Variants in ZBTB40 observed in about 807,000 individuals in gnomAD.
ZBTB40 encodes the protein zinc finger and BTB domain-containing protein 40.
Under a neutral mutation model 117.5 loss-of-function variants are expected in ZBTB40, and 60 were observed. The ratio of observed to expected loss-of-function variants is 0.51; its 90% confidence interval spans 0.41 to 0.63. The LOEUF (loss-of-function observed/expected upper bound fraction) is 0.63. Among genes scored for constraint, ZBTB40 ranks in the 30% least tolerant of loss-of-function variants. The pLI is 0.00. For synonymous variants in ZBTB40, 525 were observed against 577.1 expected (o/e 0.91, Z 1.29); for missense variants, 1,287 against 1,498.5 (o/e 0.86, Z 2.33).
chr1:22,457,719 G>A (rs2124384368), intron 1 of ZBTB40, among the ~76,000 whole-genome samples: 1 of 152,370 alleles, frequency 6.6e-6, no homozygotes, highest in East Asian at 1.9e-4. Flanking sequence ...GTTAGCTATA[G>A]TGGGGTTATT....
At chr1:22,478,466 C>G (rs1641604935) in intron 1 of ZBTB40, among the ~76,000 whole-genome samples, 2 of 152,136 alleles carry the variant, frequency 1.3e-5, no homozygotes, top group South Asian at 2.1e-4. Flanking sequence ...CCAGGATGGT[C>G]TTGATCTCCT....
upstream of ZBTB40, among the ~76,000 whole-genome samples, chr1:22,447,094 C>A (rs1483610180): frequency 2.0e-5 from 3 of 149,596 alleles, no homozygotes; most frequent in African/African-American, 7.4e-5. Context: ...CAGAGCAAGA[C>A]CTTATCTCAA....
chr1:22,443,052 A>C (rs1640751223), intron 1 of ZBTB40, among the ~76,000 whole-genome samples: 1 of 152,214 alleles, frequency 6.6e-6, no homozygotes, highest in Non-Finnish European at 1.5e-5. Flanking sequence ...AAATCTCCTG[A>C]TGCTTCCAAC....
At chr1:22,433,439 A>AAAAACAAAAACAAAAAAAAC (rs1557469766) in intron 1 of ZBTB40, among the ~76,000 whole-genome samples, 2 of 83,766 alleles carry the variant, frequency 2.4e-5, no homozygotes, top group African/African-American at 1.3e-4. Context: ...TCTCAAAAAA[A>AAAAACAAAAACAAAAAAAAC]AAAAAAAAAA....
intron 1 of ZBTB40, among the ~76,000 whole-genome samples, chr1:22,466,575 TA>T (rs1295386833): frequency 6.6e-5 from 10 of 152,182 alleles, no homozygotes; most frequent in African/African-American, 2.4e-4. Context: ...TTTATTTTAT[TA>T]TACCCATCCT....
chr1:22,501,688 G>A lies in ZBTB40; in HGVS notation c.1024+4G>A. 6.2e-7 allele frequency: 1 copy of A among 1,613,248 alleles called. No homozygotes were observed. Among genetic ancestry groups the A allele is most frequent in the Non-Finnish European group, 8.5e-7 (1 of 1,179,844 alleles). On this transcript the variant is annotated splice_donor_region_variant and intron_variant, in intron 4 of 17. Transcript: ENST00000375647. The stretch of plus-strand genomic sequence containing the variant: ...GTAGACACAGTGCAGCCAAAAGGTA[G>A]GAGAAGATCCTATGCATTGGAATGG...
intron 1 of ZBTB40, among the ~76,000 whole-genome samples, chr1:22,431,550 C>G (rs1395686748): frequency 6.6e-6 from 1 of 151,650 alleles, no homozygotes; most frequent in Non-Finnish European, 1.5e-5. Context: ...ACCAGCCTCA[C>G]CAATATGGTG....
chr1:22,521,702 G>A (rs1324872965), intron 15 of ZBTB40, 44 bp downstream of exon 15: 7 of 1,613,358 alleles, frequency 4.3e-6, no homozygotes, highest in Non-Finnish European at 5.9e-6. Context: ...GGGGCTTGAT[G>A]GTGTAGCCTC....
chr1:22,446,104 G>A (rs1386085809), intron 1 of ZBTB40, among the ~76,000 whole-genome samples: 1 of 151,762 alleles, frequency 6.6e-6, no homozygotes, highest in African/African-American at 2.4e-5. Flanking sequence ...AAATGCTAGA[G>A]ATAAAAACAC....
Position 22,527,084 on chromosome 1 carries a change from GT to G in ZBTB40, c.*689del. The G allele has an allele frequency of 6.4e-6, 1 of 155,132 alleles. No individual in the cohort carries two copies. The highest frequency in any genetic ancestry group is 1.9e-4 in the East Asian group (1 of 5,362). The allele number at this position is 155,132 out of a possible 1,614,324, so 9.6% of individuals were successfully genotyped here. A position where few individuals can be genotyped will look rare whatever the true frequency, so the allele number is the denominator to read the frequency against. On this transcript the variant is annotated 3_prime_UTR_variant, in exon 18 of 18. Coordinates refer to ENST00000375647, the MANE Select transcript of ZBTB40 (RefSeq NM_014870.4). ...CAAAGCTCTGGAGTTTCTGCTGGAA[GT>G]GTTTAATGTGAGGCATCAGCTGCTA...
upstream of ZBTB40, among the ~76,000 whole-genome samples, chr1:22,450,256 A>G (rs1640844066): frequency 6.6e-6 from 1 of 152,192 alleles, no homozygotes; most frequent in African/African-American, 2.4e-5. Context: ...CATTAACTCG[A>G]TAAATATTTC....
chr1:22,512,237 G>T, intron 11 of ZBTB40, 103 bp downstream of exon 11: 1 of 1,324,648 alleles, frequency 7.5e-7, no homozygotes, highest in Non-Finnish European at 1.1e-6. Flanking sequence ...CTGTGGGTGG[G>T]CTTAGAAAAT....
At position 22,505,495 on chromosome 1, in the gene ZBTB40, A is replaced by G. The variant is rs115015720; in HGVS notation, c.1168-554A>G. 8.9e-3 allele frequency among the ~76,000 whole-genome samples: 1,359 copies of G among 152,324 alleles called. 10 individuals carry two copies. The highest frequency in any genetic ancestry group is 0.031 in the African/African-American group (1,287 of 41,572). On this transcript the variant is annotated intron_variant, in intron 5 of 17. Coordinates refer to ENST00000375647, the MANE Select transcript of ZBTB40 (RefSeq NM_014870.4). ...AATGGATAATAAGGAATCCACAAGA[A>G]AAATAATCCAGAAAGGCACTTTAAA...
intron 13 of ZBTB40, chr1:22,519,789 T>C (rs1639470919): frequency 2.0e-6 from 1 of 499,170 alleles, no homozygotes; most frequent in Non-Finnish European, 3.7e-6. Context: ...TTGAAAGATG[T>C]AAAATGAGGA....
At chr1:22,436,824 T>C (rs1483542844) in intron 1 of ZBTB40, among the ~76,000 whole-genome samples, 1 of 152,214 alleles carries the variant, frequency 6.6e-6, no homozygotes, top group Non-Finnish European at 1.5e-5. Context: ...TATGTAGTGT[T>C]GTATAACATG....
Position 22,522,457 on chromosome 1 carries a change from C to A in ZBTB40, c.3292C>A (p.His1098Asn). The A allele has an allele frequency of 3.1e-6, 5 of 1,614,196 alleles. No individual in the cohort carries two copies. Among genetic ancestry groups the A allele is most frequent in the Non-Finnish European group, 4.2e-6 (5 of 1,180,018 alleles). The change falls in exon 16 of 18, where the codon CAT becomes AAT. Residue 1098 changes from histidine (H) to asparagine (N), a missense_variant. His to Asn is a moderately conservative substitution (Grantham distance 68, BLOSUM62 1). Around this residue, in one of 2 missense-constraint regions of ZBTB40, gnomAD observed 417 missense variants for 564.1 expected, o/e 0.74. Transcript: ENST00000375647. ...ALLQVHVKCQ[H>N]SGSQPFRCLY... ...GCTGCAGGTTCATGTCAAGTGCCAG[C>A]ATTCAGGTCAGTACCCCTGTCAGCA...
At chr1:22,520,367 T>A (rs1639490453) in intron 14 of ZBTB40, 92 bp downstream of exon 14, 1 of 990,138 alleles carries the variant, frequency 1.0e-6, no homozygotes, top group Non-Finnish European at 1.6e-6. Flanking sequence ...GGCTTGCAGA[T>A]CATATCTTGT....
intron 1 of ZBTB40, among the ~76,000 whole-genome samples, chr1:22,479,164 AGGTGTAC>A (rs1459829551): frequency 2.0e-5 from 3 of 152,230 alleles, no homozygotes; most frequent in African/African-American, 7.2e-5. Flanking sequence ...TTCTTCAAGT[AGGTGTAC>A]CATTTAATCA....
chr1:22,513,703 AAAT>A lies in ZBTB40; in HGVS notation c.2668+588_2668+590del, dbSNP rs1208364276. Among the ~76,000 whole-genome samples, 2 of 152,092 alleles carry A rather than the reference AAAT, an allele frequency of 1.3e-5. No individual in the cohort carries two copies. Among genetic ancestry groups the A allele is most frequent in the South Asian group, 2.1e-4 (1 of 4,820 alleles). On this transcript the variant is annotated intron_variant, in intron 12 of 17. Coordinates refer to ENST00000375647, the MANE Select transcript of ZBTB40 (RefSeq NM_014870.4). This position sits in a 1 kb window ranked among gnomAD's most constrained non-coding sequence, Gnocchi z 4.9. ...GCAACAGAGTGAGACTCCGTCTCAAAAATAATAATAATAATAAATAAAATTAAA... is the reference window on the plus strand; with the variant it reads ...GCAACAGAGTGAGACTCCGTCTCAAAAATAATAATAATAAATAAAATTAAA...
Sources: allele counts gnomAD v4.1 joint callset (sites outside exome capture counted in the v4.1 genomes callset), GRCh38; gene constraint gnomAD v4.1.1; regional missense constraint gnomAD v4.1.1; non-coding constraint Gnocchi (gnomAD v3.1); transcripts MANE v1.5; gene names NCBI Gene and HGNC (gene_info 2026-07-23, HGNC 2026-07-21).